PKIG: variants seen among roughly 807,000 people sequenced by gnomAD.
PKIG encodes cAMP-dependent protein kinase inhibitor gamma.
PKIG carries 1 observed loss-of-function variant against 6.8 expected under a neutral mutation model. That is an observed-to-expected ratio of 0.15 (90% CI 0.05 to 0.69). The LOEUF is 0.69. PKIG is among the 30% of genes least tolerant of loss of function. The pLI is 0.82. For missense variants in PKIG, 77 were observed against 104.0 expected (o/e 0.74, Z 1.13); for synonymous variants, 39 against 43.0 (o/e 0.91, Z 0.36).
At chr20:44,616,023 A>C (rs1243412536) in intron 3 of PKIG, among the ~76,000 whole-genome samples, 1 of 151,976 alleles carries the variant, frequency 6.6e-6, no homozygotes, top group Non-Finnish European at 1.5e-5. Flanking sequence ...CCACAGGCTC[A>C]CCCTGCTCGC....
intron 1 of PKIG, among the ~76,000 whole-genome samples, chr20:44,552,045 C>T (rs2064673569): frequency 6.6e-6 from 1 of 152,156 alleles, no homozygotes; most frequent in Admixed American, 6.5e-5. Flanking sequence ...AGACTCAGGG[C>T]CAACACAATG....
intron 1 of PKIG, among the ~76,000 whole-genome samples, chr20:44,553,190 A>AT (rs988867326): frequency 1.9e-4 from 29 of 152,130 alleles, no homozygotes; most frequent in Admixed American, 1.6e-3. Flanking sequence ...CTTTTTTGTG[A>AT]TTTTCCAAAG....
intron 2 of PKIG, among the ~76,000 whole-genome samples, chr20:44,611,679 G>A (rs745665012): frequency 2.0e-5 from 3 of 151,708 alleles, no homozygotes; most frequent in African/African-American, 7.3e-5. Flanking sequence ...ACCACGCCTG[G>A]CTAATTTTTG....
chr20:44,547,745 A>T (rs537640375), intron 1 of PKIG, among the ~76,000 whole-genome samples: 1 of 152,304 alleles, frequency 6.6e-6, no homozygotes, highest in South Asian at 2.1e-4. Flanking sequence ...CATCTTAAAC[A>T]TAGCATTGGC....
rs775922901 is a variant in PKIG at position 44,618,394 on chromosome 20, G to GA, written c.*31dup. On this transcript the variant is annotated 3_prime_UTR_variant, in exon 4 of 4. Transcript: ENST00000372886. ...GACCTTGTCCAAGAAGGCTGGACGA[G>GA]AGACCTTCTGTCCCCTCCCAGAGGG... is the stretch of plus-strand genomic sequence containing the variant. 1 of 1,448,146 alleles carries GA rather than the reference G, an allele frequency of 6.9e-7. No individual in the cohort carries two copies. Among genetic ancestry groups the GA allele is most frequent in the Non-Finnish European group, 9.7e-7 (1 of 1,028,456 alleles). 89.7% of individuals were successfully genotyped at this position (1,448,146 alleles called of 1,614,324 possible).
At chr20:44,608,629 T>A (rs538745630) in intron 2 of PKIG, among the ~76,000 whole-genome samples, 1 of 151,958 alleles carries the variant, frequency 6.6e-6, no homozygotes, top group Admixed American at 6.6e-5. Context: ...CCACCTTGGT[T>A]AACATAATGA....
chr20:44,616,979 T>C (rs140960227), intron 3 of PKIG, among the ~76,000 whole-genome samples: 2 of 152,280 alleles, frequency 1.3e-5, no homozygotes, highest in Non-Finnish European at 2.9e-5. Flanking sequence ...ATGCTGCTTA[T>C]TGGAGGAGGT....
chr20:44,576,303 G>A (rs527743401), intron 1 of PKIG, among the ~76,000 whole-genome samples: 1 of 152,114 alleles, frequency 6.6e-6, no homozygotes, highest in African/African-American at 2.4e-5. Context: ...TTGACTTTGT[G>A]GAGCTTACAG....
chr20:44,588,359 G>A (rs186467059), intron 1 of PKIG, among the ~76,000 whole-genome samples: 13 of 152,296 alleles, frequency 8.5e-5, no homozygotes, highest in African/African-American at 3.1e-4. Context: ...ACTGAGAAGA[G>A]GGCTGGGCGC....
intron 1 of PKIG, among the ~76,000 whole-genome samples, chr20:44,563,671 A>C (rs1372493651): frequency 6.6e-6 from 1 of 152,096 alleles, no homozygotes; most frequent in Non-Finnish European, 1.5e-5. Context: ...CTGTGACTAC[A>C]GGCACATGCC....
At chr20:44,567,829 A>G (rs905159241) in intron 1 of PKIG, among the ~76,000 whole-genome samples, 6 of 152,204 alleles carry the variant, frequency 3.9e-5, no homozygotes, top group Non-Finnish European at 2.9e-5. Flanking sequence ...TAATGGCCAG[A>G]CAATGTGTTT....
chr20:44,583,330 C>G (rs2064963677), intron 1 of PKIG, among the ~76,000 whole-genome samples: 1 of 152,278 alleles, frequency 6.6e-6, no homozygotes. Flanking sequence ...TTTATTGCTT[C>G]CTTTTAAAAA....
At position 44,593,109 on chromosome 20, in the gene PKIG, G is replaced by A. The variant is rs965575106; in HGVS notation, c.-24+3243G>A. Reference sequence around the variant, plus strand: ...TTCCAGCACTTTGGGAGGCTGAGGCGGGAGTTCGAGACCAACCTGGGCAAC... The same window carrying A: ...TTCCAGCACTTTGGGAGGCTGAGGCAGGAGTTCGAGACCAACCTGGGCAAC... On this transcript the variant is annotated intron_variant, in intron 2 of 3. Transcript: ENST00000372886. Among the ~76,000 whole-genome samples the A allele has an allele frequency of 2.6e-5, 4 of 151,902 alleles. No homozygotes were observed. The East Asian group carries it at 5.8e-4, about 22-fold the overall frequency.
intron 2 of PKIG, among the ~76,000 whole-genome samples, chr20:44,607,375 A>ATTTTTTTTTT (rs1484119006): frequency 9.4e-6 from 1 of 106,252 alleles, no homozygotes; most frequent in Non-Finnish European, 1.8e-5. Flanking sequence ...ATATATATAT[A>ATTTTTTTTTT]TATTTTTTTT....
At chr20:44,575,475 C>G (rs1479236110) in intron 1 of PKIG, among the ~76,000 whole-genome samples, 1 of 152,220 alleles carries the variant, frequency 6.6e-6, no homozygotes, top group African/African-American at 2.4e-5. Flanking sequence ...ATCAGACATC[C>G]TGTCATGCTT....
chr20:44,535,567 G>A (rs1306292012), intron 1 of PKIG, among the ~76,000 whole-genome samples: 4 of 152,128 alleles, frequency 2.6e-5, no homozygotes, highest in Non-Finnish European at 5.9e-5. Flanking sequence ...CTTCAACCTG[G>A]GAGGCAGAGG....
intron 1 of PKIG, among the ~76,000 whole-genome samples, chr20:44,546,723 T>G (rs2064618169): frequency 6.6e-6 from 1 of 152,054 alleles, no homozygotes; most frequent in South Asian, 2.1e-4. Context: ...CGGCTAATTT[T>G]TGTATTTTTA....
upstream of PKIG, among the ~76,000 whole-genome samples, chr20:44,579,022 A>G (rs1332715916): frequency 1.3e-5 from 2 of 152,210 alleles, no homozygotes; most frequent in Admixed American, 1.3e-4. Context: ...ATAAATAAAT[A>G]AAATAAACAG....
chr20:44,563,211 G>A lies in PKIG; in HGVS notation c.-240-19374G>A, dbSNP rs1432490480. On this transcript the variant is annotated intron_variant, in intron 1 of 4. Coordinates refer to the PKIG transcript ENST00000372887. ...GATTAGCAAAACAAAAAACCTGACA[G>A]TGACATTATGAGAAAGGAAAAATCA... Among the ~76,000 whole-genome samples, 5 of 152,142 alleles carry A rather than the reference G, an allele frequency of 3.3e-5. No homozygotes were observed. In the East Asian group the frequency reaches 9.6e-4, roughly 29 times the overall value.
Sources: allele counts gnomAD v4.1 joint callset (sites outside exome capture counted in the v4.1 genomes callset), GRCh38; gene constraint gnomAD v4.1.1; transcripts MANE v1.5; gene names NCBI Gene and HGNC (gene_info 2026-07-23, HGNC 2026-07-21).